GCH1: variants seen among roughly 807,000 people sequenced by gnomAD.
GCH1 encodes the protein GTP cyclohydrolase I.
In GCH1, 5 loss-of-function variants were observed where a neutral mutation model predicts 25.9. The observed-to-expected ratio is 0.19, with a 90% CI of 0.10 to 0.41. The LOEUF (loss-of-function observed/expected upper bound fraction) is 0.41. Ranked by LOEUF, GCH1 falls within the 10% of genes least tolerant of loss-of-function variation. GCH1 has a pLI of 1.00. For missense variants in GCH1, 261 were observed against 336.5 expected (o/e 0.78, Z 1.75); for synonymous variants, 159 against 129.6 (o/e 1.23, Z -1.54).
chr14:54,844,059 A>T lies in GCH1; in HGVS notation c.711T>A (p.Asp237Glu). Residue 237 changes from aspartate (D) to glutamate (E), a missense_variant, in exon 6 of 6, where the codon GAT becomes GAA. By Grantham distance (45) the Asp-to-Glu change is conservative. Transcript: ENST00000491895. ...TSTMLGVFREDPKTREEFLTL... is the reference protein window; with the variant it reads ...TSTMLGVFREEPKTREEFLTL... ...TCAGGAACTCTTCCCGAGTCTTTGG[A>T]TCCTCCCGGAACACACCCAACATTG... 6.2e-7 allele frequency: 1 copy of T among 1,614,088 alleles called. No individual in the cohort carries two copies. Among genetic ancestry groups the T allele is most frequent in the Non-Finnish European group, 8.5e-7 (1 of 1,179,956 alleles).
chr14:54,874,445 T>C (rs1007938738), intron 1 of GCH1, among the ~76,000 whole-genome samples: 5 of 152,278 alleles, frequency 3.3e-5, no homozygotes, highest in Admixed American at 1.3e-4. Context: ...GACAGGGATG[T>C]GCTCTCTCAC....
At chr14:54,883,247 C>G (rs1366154572) in intron 1 of GCH1, among the ~76,000 whole-genome samples, 2 of 151,824 alleles carry the variant, frequency 1.3e-5, no homozygotes, top group Admixed American at 6.6e-5. Context: ...TGGCGCGTGC[C>G]TGTAATCCCA....
rs765834730 is a variant in GCH1, at chr14:54,844,146, A to G, written c.627-3T>C. ...CTCGCATTACCATACACATGTGTCT[A>G]CAAAATAAGGCAACACAGGTTGTTT... is the stretch of plus-strand genomic sequence containing the variant. On this transcript the variant is annotated splice_region_variant and splice_polypyrimidine_tract_variant and intron_variant, in intron 5 of 5. Coordinates refer to ENST00000491895, the MANE Select transcript of GCH1 (RefSeq NM_000161.3). 6.2e-7 allele frequency: 1 copy of G among 1,606,076 alleles called. No homozygotes were observed.
intron 1 of GCH1, among the ~76,000 whole-genome samples, chr14:54,901,939 G>A (rs1386065306): frequency 6.6e-6 from 1 of 152,188 alleles, no homozygotes; most frequent in Non-Finnish European, 1.5e-5. Context: ...AAGTGCCCAG[G>A]TGATCCTTAT....
intron 3 of GCH1, among the ~76,000 whole-genome samples, chr14:54,852,777 T>C (rs2039753809): frequency 6.6e-6 from 1 of 152,168 alleles, no homozygotes; most frequent in Admixed American, 6.5e-5. Context: ...TGTACTTGTT[T>C]TATATCCTAT....
intron 1 of GCH1, among the ~76,000 whole-genome samples, chr14:54,868,858 C>T (rs944756105): frequency 6.6e-6 from 1 of 152,012 alleles, no homozygotes; most frequent in African/African-American, 2.4e-5. Context: ...CCTCAGCCTC[C>T]CAAAGTGCTG....
intron 5 of GCH1, 26 bp downstream of exon 5, chr14:54,845,742 G>A (rs142185601): frequency 1.9e-5 from 25 of 1,291,462 alleles, no homozygotes; most frequent in East Asian, 9.2e-5. Context: ...CCATTATGAC[G>A]TTACTAAAGG....
In GCH1 at chr14:54,843,536, C is replaced by T; in HGVS notation, c.*481G>A. On this transcript the variant is annotated 3_prime_UTR_variant, in exon 6 of 6. Transcript: ENST00000491895. ...TCACTGGTGGTTTAATAAACATGAC[C>T]AAAGTGAAGTCTGTTGAACTTGAAT... 1.5e-6 allele frequency: 2 copies of T among 1,337,952 alleles called. No individual in the cohort carries two copies. Among genetic ancestry groups the T allele is most frequent in the East Asian group, 3.1e-5 (1 of 32,620 alleles). 82.9% of individuals were successfully genotyped at this position (1,337,952 alleles called of 1,614,324 possible). A position where few individuals can be genotyped will look rare whatever the true frequency, so the allele number is the denominator to read the frequency against.
At chr14:54,874,553 G>GTCCC (rs1219227670) in intron 1 of GCH1, among the ~76,000 whole-genome samples, 1 of 152,140 alleles carries the variant, frequency 6.6e-6, no homozygotes, top group Non-Finnish European at 1.5e-5. Flanking sequence ...AAGTCAAATG[G>GTCCC]TCCCTGTTTG....
intron 1 of GCH1, among the ~76,000 whole-genome samples, chr14:54,895,289 T>A (rs2040470545): frequency 6.6e-6 from 1 of 152,220 alleles, no homozygotes; most frequent in African/African-American, 2.4e-5. Context: ...CCATCTCCAA[T>A]GCCATCTCCT....
chr14:54,885,966 C>T, intron 1 of GCH1: 2 of 269,316 alleles, frequency 7.4e-6, no homozygotes, highest in South Asian at 4.1e-5. Flanking sequence ...ACAGGACCTG[C>T]TGGAGACTAT....
chr14:54,872,604 T>A (rs1303131185), intron 1 of GCH1, among the ~76,000 whole-genome samples: 7 of 152,164 alleles, frequency 4.6e-5, no homozygotes, highest in East Asian at 1.9e-4. Context: ...AGGAAACCCA[T>A]CTCACGTGCA....
At chr14:54,860,123 G>C (rs2039872528) in intron 2 of GCH1, among the ~76,000 whole-genome samples, 1 of 152,224 alleles carries the variant, frequency 6.6e-6, no homozygotes, top group South Asian at 2.1e-4. Context: ...TACAGGTTTT[G>C]TATCCTGCAA....
intron 1 of GCH1, among the ~76,000 whole-genome samples, chr14:54,899,234 G>T (rs56213135): frequency 0.25 from 37,935 of 151,980 alleles, 5,410 homozygotes; most frequent in African/African-American, 0.39. Flanking sequence ...GCCAAGGCAG[G>T]CAGATCCCTT....
intron 1 of GCH1, among the ~76,000 whole-genome samples, chr14:54,895,068 G>A (rs192998743): frequency 2.0e-4 from 31 of 152,302 alleles, no homozygotes; most frequent in Admixed American, 1.2e-3. Flanking sequence ...TAATAAATCC[G>A]AGAGGTTTGT....
chr14:54,856,211 C>T (rs1023078235), intron 3 of GCH1, among the ~76,000 whole-genome samples: 2 of 152,184 alleles, frequency 1.3e-5, no homozygotes, highest in Non-Finnish European at 2.9e-5. Flanking sequence ...ATCCCTCCAC[C>T]TCCAGGTCTA....
At chr14:54,857,550 A>G (rs928187986) in intron 3 of GCH1, among the ~76,000 whole-genome samples, 1 of 151,778 alleles carries the variant, frequency 6.6e-6, no homozygotes, top group Non-Finnish European at 1.5e-5. Flanking sequence ...TGGAATTTCT[A>G]TATGGGCAAG....
chr14:54,861,099 T>C (rs898951031), intron 2 of GCH1, among the ~76,000 whole-genome samples: 6 of 152,222 alleles, frequency 3.9e-5, no homozygotes, highest in African/African-American at 1.4e-4. Flanking sequence ...AATTAGAGAC[T>C]CAACGGCATC....
At chr14:54,867,968 T>C (rs550682116) in intron 1 of GCH1, among the ~76,000 whole-genome samples, 5 of 152,332 alleles carry the variant, frequency 3.3e-5, no homozygotes, top group Admixed American at 3.3e-4. Flanking sequence ...AGGTTAACTT[T>C]GCCAGTAACA....
Sources: allele counts gnomAD v4.1 joint callset (sites outside exome capture counted in the v4.1 genomes callset), GRCh38; gene constraint gnomAD v4.1.1; transcripts MANE v1.5; gene names NCBI Gene and HGNC (gene_info 2026-07-23, HGNC 2026-07-21).